Variants in MICU2 observed in about 807,000 individuals in gnomAD.
MICU2 encodes the protein mitochondrial calcium uptake 2.
In MICU2, 64 loss-of-function variants were observed where a neutral mutation model predicts 60.4. The ratio of observed to expected loss-of-function variants is 1.06; its 90% confidence interval spans 0.87 to 1.31. The LOEUF (loss-of-function observed/expected upper bound fraction) is 1.31. MICU2 is among the 50% of genes most tolerant of loss of function. MICU2 has a pLI of 0.00. For synonymous variants in MICU2, 201 were observed against 175.0 expected (o/e 1.15, Z -1.17); for missense variants, 569 against 531.0 (o/e 1.07, Z -0.70).
chr13:21,571,131 G>A (rs1425177396), intron 1 of MICU2, among the ~76,000 whole-genome samples: 1 of 151,400 alleles, frequency 6.6e-6, no homozygotes, highest in Non-Finnish European at 1.5e-5. Flanking sequence ...CATGTTCCCT[G>A]AACTAACCAT....
intron 1 of MICU2, among the ~76,000 whole-genome samples, chr13:21,583,291 T>A (rs1205549785): frequency 1.3e-5 from 2 of 152,174 alleles, no homozygotes; most frequent in Non-Finnish European, 2.9e-5. Context: ...CAGTATTAAA[T>A]AAATAAACAT....
rs1888896048 is a variant in MICU2, at chr13:21,604,002, C to T, written c.147G>A (p.Ala49=). 1.9e-6 allele frequency: 3 copies of T among 1,610,872 alleles called. No homozygotes were observed. Among genetic ancestry groups the T allele is most frequent in the South Asian group, 1.1e-5 (1 of 90,952 alleles). The change falls in exon 1 of 12, where the codon GCG becomes GCA. Residue 49 remains alanine (A), a synonymous_variant. Transcript: ENST00000382374. ...VAGAALAGAG[A]AWHHSRVSVA... ...CACTGACGCGGCTGTGGTGCCAGGC[C>T]GCTCCTGCTCCTGCCAGGGCCGCGC...
At chr13:21,525,913 CTTATTTATTTATTTAT>C (rs60527711) in intron 4 of MICU2, among the ~76,000 whole-genome samples, 81 of 144,314 alleles carry the variant, frequency 5.6e-4, no homozygotes, top group South Asian at 1.8e-3. Context: ...GTGATGTAGT[CTTATTTATTTATTTAT>C]TTATTTATTT....
chr13:21,556,663 A>G (rs1329434451), intron 2 of MICU2, among the ~76,000 whole-genome samples: 1 of 152,178 alleles, frequency 6.6e-6, no homozygotes, highest in African/African-American at 2.4e-5. Context: ...CACTACTTCC[A>G]GTTTAAAAGG....
At chr13:21,563,000 C>T (rs1250026842) in intron 2 of MICU2, among the ~76,000 whole-genome samples, 1 of 152,150 alleles carries the variant, frequency 6.6e-6, no homozygotes, top group Non-Finnish European at 1.5e-5. Flanking sequence ...ATAATTTTCA[C>T]TAGATATAGA....
At chr13:21,530,792 G>T in intron 4 of MICU2, 1 of 677,462 alleles carries the variant, frequency 1.5e-6, no homozygotes, top group South Asian at 1.6e-5. Context: ...GCAGCACCAG[G>T]AAGAGATGGC....
Position 21,510,034 on chromosome 13 carries a change from T to C in MICU2, c.731A>G (p.Gln244Arg). Residue 244 changes from glutamine (Q) to arginine (R), a missense_variant, in exon 8 of 12, where the codon CAA becomes CGA. Physicochemically the swap from Gln to Arg is conservative, Grantham distance 43. Transcript: ENST00000382374. ...LQMRFFGKRG[Q>R]RKLHYKEFRR... ...AAATTCTTTATAATGAAGTTTTCTT[T>C]GTCCTCTTTTTCCAAAGAAACGCAT... The C allele has an allele frequency of 6.5e-7, 1 of 1,545,144 alleles. No homozygotes were observed. The highest frequency in any genetic ancestry group is 8.7e-7 in the Non-Finnish European group (1 of 1,152,336).
intron 9 of MICU2, among the ~76,000 whole-genome samples, chr13:21,497,511 C>T (rs1566137377): frequency 6.6e-6 from 1 of 152,016 alleles, no homozygotes. Flanking sequence ...GAGTTGGAGA[C>T]CAGACTGGGC....
chr13:21,570,268 T>C (rs1393548165), intron 1 of MICU2, among the ~76,000 whole-genome samples: 2 of 152,124 alleles, frequency 1.3e-5, no homozygotes, highest in Non-Finnish European at 2.9e-5. Context: ...CCAACATAGT[T>C]TTTTTAGGTC....
intron 1 of MICU2, among the ~76,000 whole-genome samples, chr13:21,598,250 T>C (rs1888738158): frequency 6.6e-6 from 1 of 152,198 alleles, no homozygotes; most frequent in Non-Finnish European, 1.5e-5. Context: ...ACGTATAATT[T>C]GGAAAGAAAA....
intron 2 of MICU2, among the ~76,000 whole-genome samples, chr13:21,548,786 T>C (rs1887475297): frequency 6.6e-6 from 1 of 152,118 alleles, no homozygotes; most frequent in Non-Finnish European, 1.5e-5. Flanking sequence ...GGAGGGTGCT[T>C]GCTAAGCATA....
intron 1 of MICU2, among the ~76,000 whole-genome samples, chr13:21,588,302 T>C (rs1888502326): frequency 6.6e-6 from 1 of 152,260 alleles, no homozygotes; most frequent in Non-Finnish European, 1.5e-5. Context: ...ACAATTGTTA[T>C]GCTTGTGTGC....
intron 1 of MICU2, among the ~76,000 whole-genome samples, chr13:21,573,181 A>G (rs1372869594): frequency 1.3e-5 from 2 of 152,220 alleles, no homozygotes; most frequent in Non-Finnish European, 2.9e-5. Flanking sequence ...ATAAAGGTAG[A>G]CAGTTTGGGG....
At chr13:21,527,496 A>G (rs1281418483) in intron 4 of MICU2, among the ~76,000 whole-genome samples, 5 of 152,214 alleles carry the variant, frequency 3.3e-5, no homozygotes, top group Non-Finnish European at 2.9e-5. Context: ...GAGACAGTAT[A>G]AAAACAGTAC....
At chr13:21,603,868 C>G (rs531711593) in intron 1 of MICU2, 71 bp downstream of exon 1, 1 of 1,550,032 alleles carries the variant, frequency 6.5e-7, no homozygotes, top group Non-Finnish European at 8.8e-7. Flanking sequence ...AGAGCCAAAC[C>G]ACTCCCCGCC....
intron 8 of MICU2, among the ~76,000 whole-genome samples, chr13:21,507,259 C>A (rs962645702): frequency 1.3e-5 from 2 of 152,094 alleles, no homozygotes; most frequent in Non-Finnish European, 2.9e-5. Context: ...TAAACAAAAT[C>A]ATTCCCATTG....
At chr13:21,565,296 G>A (rs1256672204) in intron 2 of MICU2, among the ~76,000 whole-genome samples, 1 of 152,120 alleles carries the variant, frequency 6.6e-6, no homozygotes, top group African/African-American at 2.4e-5. Flanking sequence ...GGGAGGCCAA[G>A]GGGGGTGGAT....
chr13:21,601,559 A>C (rs1423943296), intron 1 of MICU2, among the ~76,000 whole-genome samples: 1 of 152,250 alleles, frequency 6.6e-6, no homozygotes, highest in Non-Finnish European at 1.5e-5. Context: ...AGAGAATCCA[A>C]AATAACTACA....
rs141549203 is a variant in MICU2 at position 21,562,479 on chromosome 13, T to A, written c.358+4318A>T. On this transcript the variant is annotated intron_variant, in intron 2 of 11. Transcript: ENST00000382374. ...TCCACTCTTTTTTTGCCTTCTCTGA[T>A]TTTAGCTGAGTATTTTACATAACTT... Among the ~76,000 whole-genome samples the A allele has an allele frequency of 1.7e-3, 262 of 152,362 alleles. 3 individuals carry two copies. The highest frequency in any genetic ancestry group is 6.1e-3 in the African/African-American group (254 of 41,588).
Sources: allele counts gnomAD v4.1 joint callset (sites outside exome capture counted in the v4.1 genomes callset), GRCh38; gene constraint gnomAD v4.1.1; transcripts MANE v1.5; gene names NCBI Gene and HGNC (gene_info 2026-07-23, HGNC 2026-07-21).